Variants in SYN3 observed in about 807,000 individuals in gnomAD.
SYN3 encodes synapsin-3.
SYN3 carries 35 observed loss-of-function variants against 65.8 expected under a neutral mutation model. The ratio of observed to expected loss-of-function variants is 0.53; its 90% CI spans 0.41 to 0.70. The LOEUF is 0.70. Among genes scored for constraint, SYN3 ranks in the 30% least tolerant of loss-of-function variants. The probability of loss-of-function intolerance (pLI) is 0.00; values close to 1 mark genes in which losing one functional copy is unlikely to be tolerated. For missense variants in SYN3, 680 were observed against 749.0 expected (o/e 0.91, Z 1.08); for synonymous variants, 270 against 292.9 (o/e 0.92, Z 0.80).
At chr22:33,044,056 A>G (rs2145945283) in intron 1 of SYN3, among the ~76,000 whole-genome samples, 1 of 152,230 alleles carries the variant, frequency 6.6e-6, no homozygotes, top group Admixed American at 6.5e-5. Flanking sequence ...TGTCTCAAAA[A>G]AAAAAAAAAG....
At chr22:32,537,934 G>C in intron 9 of SYN3, 102 bp downstream of exon 9, 2 of 1,019,554 alleles carry the variant, frequency 2.0e-6, no homozygotes. Context: ...TGAGGCACTG[G>C]ACGGAGGGCG....
chr22:32,829,863 G>A (rs112966785), intron 6 of SYN3, among the ~76,000 whole-genome samples: 11 of 152,290 alleles, frequency 7.2e-5, no homozygotes, highest in African/African-American at 2.4e-4. Flanking sequence ...CCCACCCTTG[G>A]GTAGAATGGG....
At chr22:32,939,296 G>A (rs1237226279) in intron 3 of SYN3, among the ~76,000 whole-genome samples, 1 of 152,030 alleles carries the variant, frequency 6.6e-6, no homozygotes, top group East Asian at 1.9e-4. Flanking sequence ...TATGTGAAGT[G>A]GAATAACACT....
intron 3 of SYN3, among the ~76,000 whole-genome samples, chr22:32,936,190 A>C (rs1339293261): frequency 6.6e-6 from 1 of 152,264 alleles, no homozygotes; most frequent in Non-Finnish European, 1.5e-5. Context: ...CAGAGATTAC[A>C]TATACACTCC....
chr22:32,951,256 C>T (rs2051281352), intron 3 of SYN3, among the ~76,000 whole-genome samples: 1 of 152,112 alleles, frequency 6.6e-6, no homozygotes, highest in Non-Finnish European at 1.5e-5. Context: ...AAGCTCCAGC[C>T]TCCTGTCCCC....
At chr22:32,723,135 A>G (rs941305145) in intron 6 of SYN3, among the ~76,000 whole-genome samples, 1 of 152,176 alleles carries the variant, frequency 6.6e-6, no homozygotes, top group Admixed American at 6.5e-5. Flanking sequence ...GCCCTGCTCA[A>G]TAGTAAGCCA....
At chr22:32,524,259 GGAAGAA>G (rs1294299532) in intron 12 of SYN3, among the ~76,000 whole-genome samples, 11 of 152,014 alleles carry the variant, frequency 7.2e-5, no homozygotes, top group Admixed American at 6.5e-4. Flanking sequence ...GCCTTCTATT[GGAAGAA>G]GATACTATCT....
chr22:32,563,261 A>T (rs1056023310), intron 7 of SYN3, among the ~76,000 whole-genome samples: 1 of 152,254 alleles, frequency 6.6e-6, no homozygotes, highest in Admixed American at 6.5e-5. Flanking sequence ...CATCATGATT[A>T]TTATGAATAA....
At chr22:32,706,398 A>AGG (rs2060881489) in intron 6 of SYN3, among the ~76,000 whole-genome samples, 1 of 152,248 alleles carries the variant, frequency 6.6e-6, no homozygotes, top group East Asian at 1.9e-4. Context: ...GCCAGAAGAT[A>AGG]ATGGGATGGC....
At chr22:32,970,506 G>A (rs1376707014) in intron 3 of SYN3, among the ~76,000 whole-genome samples, 2 of 145,298 alleles carry the variant, frequency 1.4e-5, no homozygotes, top group South Asian at 2.2e-4. Flanking sequence ...AAGATATCAC[G>A]CCACTGCACT....
At chr22:33,022,869 A>G (rs560178531) in intron 1 of SYN3, among the ~76,000 whole-genome samples, 1 of 152,362 alleles carries the variant, frequency 6.6e-6, no homozygotes, top group South Asian at 2.1e-4. Flanking sequence ...AAAGCATTTA[A>G]CTTCCTAAGA....
intron 4 of SYN3, among the ~76,000 whole-genome samples, chr22:32,930,821 C>T (rs1282244178): frequency 6.6e-6 from 1 of 152,130 alleles, no homozygotes; most frequent in Non-Finnish European, 1.5e-5. Context: ...TTTTTGGCTT[C>T]TGAAGAAACC....
chr22:33,006,731 G>T lies in SYN3; in HGVS notation c.-69C>A. ...GTAGGTGAGGCCCAGAAGACAGGCTGCTGCCAGGTACAGGGAGTGGTAGGA... is the reference window on the plus strand; with the variant it reads ...GTAGGTGAGGCCCAGAAGACAGGCTTCTGCCAGGTACAGGGAGTGGTAGGA... On this transcript the variant is annotated 5_prime_UTR_variant, in exon 2 of 14. Coordinates refer to ENST00000358763, the MANE Select transcript of SYN3 (RefSeq NM_003490.4). 9 of 1,472,484 alleles carry T rather than the reference G, an allele frequency of 6.1e-6. No individual in the cohort carries two copies. Among genetic ancestry groups the T allele is most frequent in the Non-Finnish European group, 7.3e-6 (8 of 1,094,656 alleles). The allele number at this position is 1,472,484 out of a possible 1,614,324, so 91.2% of individuals were successfully genotyped here.
At chr22:33,027,344 C>G (rs934317496) in intron 1 of SYN3, among the ~76,000 whole-genome samples, 1 of 152,070 alleles carries the variant, frequency 6.6e-6, no homozygotes, top group Admixed American at 6.6e-5. Context: ...CGCCTGTAAT[C>G]CCAGCACTTT....
At chr22:32,639,505 T>G (rs567553247) in intron 6 of SYN3, among the ~76,000 whole-genome samples, 127 of 152,288 alleles carry the variant, frequency 8.3e-4, no homozygotes, top group African/African-American at 3.0e-3. Flanking sequence ...GTAGCCTCTT[T>G]TGCTTCTTTC....
At chr22:32,767,721 T>C (rs1013663924) in intron 6 of SYN3, among the ~76,000 whole-genome samples, 1 of 152,196 alleles carries the variant, frequency 6.6e-6, no homozygotes, top group Admixed American at 6.5e-5. Context: ...AATCTTTCTT[T>C]CTCTGAGAAC....
intron 6 of SYN3, among the ~76,000 whole-genome samples, chr22:32,738,083 TACCACC>T (rs1341095657): frequency 2.0e-5 from 3 of 152,212 alleles, no homozygotes; most frequent in African/African-American, 7.2e-5. Context: ...TAACCACAGC[TACCACC>T]ACTTGTTTAA....
chr22:32,843,147 T>C (rs981020010), intron 6 of SYN3, among the ~76,000 whole-genome samples: 2 of 152,158 alleles, frequency 1.3e-5, no homozygotes, highest in East Asian at 1.9e-4. Flanking sequence ...TTGTCCACAG[T>C]TGGAAAGTAG....
chr22:33,038,002 A>AG (rs2053890312), intron 1 of SYN3, among the ~76,000 whole-genome samples: 1 of 152,238 alleles, frequency 6.6e-6, no homozygotes, highest in African/African-American at 2.4e-5. Flanking sequence ...AAGTTAAAAA[A>AG]AAAAAGGAAT....
Sources: gnomAD v4.1 joint callset for allele counts (sites outside exome capture counted in the v4.1 genomes callset) on GRCh38, gnomAD v4.1.1 for gene constraint, MANE v1.5 for transcripts, NCBI Gene and HGNC (gene_info 2026-07-23, HGNC 2026-07-21) for gene names.